TRA2A: variants seen among roughly 807,000 people sequenced by gnomAD.
TRA2A encodes the protein transformer-2 protein homolog alpha.
TRA2A carries 31 observed loss-of-function variants against 45.7 expected under a neutral mutation model. The observed-to-expected ratio is 0.68, with a 90% CI of 0.51 to 0.92. TRA2A has a LOEUF of 0.92. Ranked by LOEUF, TRA2A falls within the 40% of genes least tolerant of loss-of-function variation. The probability of loss-of-function intolerance (pLI) is 0.00; values close to 1 mark genes in which losing one functional copy is unlikely to be tolerated. For missense variants in TRA2A, 304 were observed against 367.5 expected, an observed-to-expected ratio of 0.83 and a Z score of 1.41; for synonymous variants, 132 against 126.2, an observed-to-expected ratio of 1.05 and a Z score of -0.31.
chr7:23,513,180 A>T, intron 3 of TRA2A, 98 bp from the exon 4 acceptor site: 3 of 773,960 alleles, frequency 3.9e-6, no homozygotes, highest in Non-Finnish European at 5.9e-6. Flanking sequence ...ATACACAATA[A>T]ATATATTGTT....
chr7:23,521,497 G>C (rs1318520045), intron 2 of TRA2A, among the ~76,000 whole-genome samples: 1 of 152,212 alleles, frequency 6.6e-6, no homozygotes, highest in African/African-American at 2.4e-5. Context: ...CTGTGGTGCA[G>C]TGGTGCAATC....
intron 1 of TRA2A, among the ~76,000 whole-genome samples, chr7:23,526,604 G>GT (rs1790350112): frequency 6.6e-6 from 1 of 152,086 alleles, no homozygotes; most frequent in African/African-American, 2.4e-5. Context: ...AAGAACAACA[G>GT]TTCTGCTTCC....
rs370691105 is a variant in TRA2A at position 23,516,351 on chromosome 7, T to A, written c.336+12A>T. 1.2e-5 allele frequency: 19 copies of A among 1,613,436 alleles called. No individual in the cohort carries two copies. In the South Asian group the frequency reaches 2.1e-4, roughly 18 times the overall value. Reference sequence around the variant, plus strand: ...GAAAATAAGTCTTCATTAACTTTTATAAACCACGTACCCTGCTGCCAGTAT... The same window carrying A: ...GAAAATAAGTCTTCATTAACTTTTAAAAACCACGTACCCTGCTGCCAGTAT... On this transcript the variant is annotated intron_variant, in intron 3 of 7. Coordinates refer to ENST00000297071, the MANE Select transcript of TRA2A (RefSeq NM_013293.5).
At chr7:23,508,275 T>TAAAAA (rs67642004) in intron 4 of TRA2A, among the ~76,000 whole-genome samples, 2 of 101,536 alleles carry the variant, frequency 2.0e-5, no homozygotes, top group Non-Finnish European at 3.8e-5. Flanking sequence ...TAAAGGTCAT[T>TAAAAA]AAAAAAAAAA....
intron 1 of TRA2A, chr7:23,522,305 C>T: frequency 8.6e-7 from 1 of 1,166,064 alleles, no homozygotes; most frequent in Non-Finnish European, 1.1e-6. Flanking sequence ...GACCAATCTT[C>T]TGTTCAATTT....
At chr7:23,515,364 G>C (rs1789817819) in intron 3 of TRA2A, among the ~76,000 whole-genome samples, 1 of 148,856 alleles carries the variant, frequency 6.7e-6, no homozygotes, top group Admixed American at 6.7e-5. Flanking sequence ...GGAGTAGCTG[G>C]GACTACAGGC....
chr7:23,523,557 T>C (rs1466895637), intron 1 of TRA2A, among the ~76,000 whole-genome samples: 1 of 152,264 alleles, frequency 6.6e-6, no homozygotes, highest in African/African-American at 2.4e-5. Context: ...TCAAGTTTAA[T>C]GTCAAGACTT....
chr7:23,516,244 A>G (rs1266113856), intron 3 of TRA2A, 119 bp downstream of exon 3: 3 of 912,602 alleles, frequency 3.3e-6, no homozygotes, highest in African/African-American at 3.3e-5. Flanking sequence ...CAGCTTATTA[A>G]GGATGTTTCC....
In TRA2A at chr7:23,505,771, T is replaced by C. The variant is rs1396421632; in HGVS notation, c.813A>G (p.Arg271=). ...TTGGGCTGTAGGAACGAGATCTTGA[T>C]CGTGATCTATATCGACTATAATAAG... The part of the protein sequence containing the change: ...PSPYYSRYRS[R]SRSRSYSPRR... The change falls in exon 7 of 8, where the codon CGA becomes CGG. Residue 271 remains arginine (R), a synonymous_variant. Transcript: ENST00000297071. 6.4e-7 allele frequency: 1 copy of C among 1,563,126 alleles called. No individual in the cohort carries two copies. The highest frequency in any genetic ancestry group is 1.7e-4 in the Middle Eastern group (1 of 5,770).
chr7:23,527,262 C>G (rs1790376318), intron 1 of TRA2A, among the ~76,000 whole-genome samples: 1 of 152,022 alleles, frequency 6.6e-6, no homozygotes, highest in Non-Finnish European at 1.5e-5. Context: ...AGTCATGGGA[C>G]AGTAAGGATT....
chr7:23,517,505 G>GAAAAAAAAAGAAAAAAAA (rs1789938559), intron 2 of TRA2A, among the ~76,000 whole-genome samples: 1 of 56,094 alleles, frequency 1.8e-5, no homozygotes, highest in Non-Finnish European at 3.8e-5. Context: ...AAAAAAAAAA[G>GAAAAAAAAAGAAAAAAAA]AGAGAAAGAA....
At chr7:23,506,628 G>T (rs926706910) in intron 5 of TRA2A, 1 of 229,512 alleles carries the variant, frequency 4.4e-6, no homozygotes, top group African/African-American at 2.3e-5. Context: ...ATAAATAAAT[G>T]AATAAAAGGT....
intron 1 of TRA2A, 167 bp from the exon 2 acceptor site, chr7:23,522,007 T>A: frequency 7.1e-7 from 1 of 1,405,526 alleles, no homozygotes; most frequent in Non-Finnish European, 9.3e-7. Context: ...TTAATACTGC[T>A]AACTGTCCTC....
At chr7:23,506,485 T>G in intron 5 of TRA2A, 1 of 471,072 alleles carries the variant, frequency 2.1e-6, no homozygotes, top group Non-Finnish European at 3.7e-6. Context: ...CTCAAAACTA[T>G]TAACTGCTTT....
intron 1 of TRA2A, 191 bp from the exon 2 acceptor site, chr7:23,522,031 T>A (rs1790158651): frequency 3.6e-6 from 5 of 1,399,796 alleles, no homozygotes; most frequent in Non-Finnish European, 4.6e-6. Flanking sequence ...AATTCCCTAC[T>A]TGAACCAGAT....
chr7:23,531,196 G>C, intron 1 of TRA2A: 1 of 986,146 alleles, frequency 1.0e-6, no homozygotes, highest in Non-Finnish European at 1.2e-6. Flanking sequence ...CATTAGGCTC[G>C]TCCCACCTTC....
At chr7:23,531,549 G>C (rs374872169) in intron 1 of TRA2A, 3 of 584,950 alleles carry the variant, frequency 5.1e-6, no homozygotes, top group Non-Finnish European at 9.0e-6. Flanking sequence ...GGCGGGGAGG[G>C]AAGAGGACCC....
At chr7:23,528,079 A>G (rs892954278) in intron 1 of TRA2A, among the ~76,000 whole-genome samples, 8 of 152,232 alleles carry the variant, frequency 5.3e-5, no homozygotes, top group Admixed American at 5.2e-4. Context: ...ACCCTTATGT[A>G]AGGTCAATTT....
chr7:23,515,115 A>G (rs1001836305), intron 3 of TRA2A, among the ~76,000 whole-genome samples: 1 of 152,172 alleles, frequency 6.6e-6, no homozygotes, highest in African/African-American at 2.4e-5. Context: ...GATTACTACA[A>G]AGTTTTTAAT....
Sources: allele counts gnomAD v4.1 joint callset (sites outside exome capture counted in the v4.1 genomes callset), GRCh38; gene constraint gnomAD v4.1.1; transcripts MANE v1.5; gene names NCBI Gene and HGNC (gene_info 2026-07-23, HGNC 2026-07-21).